USP13: variants seen among roughly 807,000 people sequenced by gnomAD.
USP13 encodes the protein ubiquitin carboxyl-terminal hydrolase 13.
USP13 carries 68 observed loss-of-function variants against 107.8 expected under a neutral mutation model. That is an observed-to-expected ratio of 0.63 (90% confidence interval 0.52 to 0.77). USP13 has a LOEUF of 0.77. Among genes scored for constraint, USP13 ranks in the 30% least tolerant of loss-of-function variants. USP13 has a pLI of 0.00. For missense variants in USP13, 945 were observed against 1,093.3 expected, an observed-to-expected ratio of 0.86 and a Z score of 1.91; for synonymous variants, 377 against 389.5, an observed-to-expected ratio of 0.97 and a Z score of 0.38.
chr3:179,726,145 T>C (rs755208910), intron 8 of USP13, among the ~76,000 whole-genome samples: 1 of 152,104 alleles, frequency 6.6e-6, no homozygotes, highest in Non-Finnish European at 1.5e-5. Flanking sequence ...TCTGAGGGTC[T>C]CGGGAGGCGA....
At chr3:179,758,588 T>C (rs1374457630) in intron 16 of USP13, among the ~76,000 whole-genome samples, 3 of 151,640 alleles carry the variant, frequency 2.0e-5, no homozygotes, top group Non-Finnish European at 4.4e-5. Flanking sequence ...AAGCTCCGCC[T>C]CCCGGGTTCA....
At chr3:179,700,274 C>T (rs1712469311) in intron 3 of USP13, among the ~76,000 whole-genome samples, 1 of 152,106 alleles carries the variant, frequency 6.6e-6, no homozygotes. Flanking sequence ...CATTATAGGG[C>T]TTCCACCTCG....
intron 7 of USP13, among the ~76,000 whole-genome samples, chr3:179,720,661 T>TTCTGC (rs1368405003): frequency 6.6e-6 from 1 of 152,218 alleles, no homozygotes; most frequent in Admixed American, 6.5e-5. Flanking sequence ...GTTTAGTTTT[T>TTCTGC]TCTGCTCTTC....
Position 179,686,058 on chromosome 3 carries a change from C to T in USP13, c.294+4055C>T, listed in dbSNP as rs142396153. Among the ~76,000 whole-genome samples, 520 of 152,246 alleles carry T rather than the reference C, an allele frequency of 3.4e-3. 2 individuals are homozygous for T. The highest frequency in any genetic ancestry group is 5.5e-3 in the Non-Finnish European group (374 of 68,020). ...AACCCCACACTATGATGGGTTTGAG[C>T]GTGTCACATTTTGGGCCTTTCCTCT... is the stretch of plus-strand genomic sequence containing the variant. On this transcript the variant is annotated intron_variant, in intron 2 of 20. Coordinates refer to ENST00000263966, the MANE Select transcript of USP13 (RefSeq NM_003940.3).
In USP13 at chr3:179,742,805, T is replaced by C. The variant is rs1026473591; in HGVS notation, c.1534+455T>C. Among the ~76,000 whole-genome samples, 5 of 152,264 alleles carry C rather than the reference T, an allele frequency of 3.3e-5. No individual in the cohort carries two copies. The highest frequency in any genetic ancestry group is 3.4e-3 in the Middle Eastern group (1 of 294). The stretch of plus-strand genomic sequence containing the variant: ...ACATGAGTATTTGAGCCACCTCTTC[T>C]GGGAGATAAATTGTGTCAGGGTTCT... On this transcript the variant is annotated intron_variant, in intron 12 of 20. Coordinates refer to ENST00000263966, the MANE Select transcript of USP13 (RefSeq NM_003940.3). The surrounding 1 kb of genome is among the most constrained non-coding windows in gnomAD (Gnocchi z 5.0).
Position 179,684,983 on chromosome 3 carries a change from G to T in USP13, c.294+2980G>T, listed in dbSNP as rs553594945. ...ACATCCTTGTGTAAGCTCTATGAGG[G>T]CAGGGACTTTCTTTGGTTTTGTCCA... On this transcript the variant is annotated intron_variant, in intron 2 of 20. Transcript: ENST00000263966. Among the ~76,000 whole-genome samples the T allele has an allele frequency of 1.0e-3, 153 of 152,192 alleles. 2 individuals carry two copies. In the South Asian group the frequency reaches 0.02, roughly 19 times the overall value.
Position 179,653,311 on chromosome 3 carries a change from T to C in USP13, c.86T>C (p.Val29Ala). The change falls in exon 1 of 21, where the codon GTG becomes GCG. Residue 29 changes from valine (V) to alanine (A), a missense_variant. Transcript: ENST00000263966. The surrounding 1 kb of genome is among the most constrained non-coding windows in gnomAD (Gnocchi z 4.0). The part of the protein sequence containing the change: ...MAAGDIGELL[V>A]PHMPTIRVPR... ...GCAGGAGACATCGGCGAGCTGCTAG[T>C]GCCCCACATGCCCACGATCCGCGTG... 1 of 1,577,430 alleles carries C rather than the reference T, an allele frequency of 6.3e-7. No individual in the cohort carries two copies. Among genetic ancestry groups the C allele is most frequent in the East Asian group, 2.3e-5 (1 of 42,972 alleles).
intron 6 of USP13, among the ~76,000 whole-genome samples, chr3:179,715,643 G>A (rs1016760184): frequency 1.3e-5 from 2 of 152,084 alleles, no homozygotes; most frequent in South Asian, 2.1e-4. Flanking sequence ...GATTACATGC[G>A]TGAGCCACTG....
Position 179,742,412 on chromosome 3 carries a change from A to T in USP13, c.1534+62A>T. On this transcript the variant is annotated intron_variant, in intron 12 of 20. Transcript: ENST00000263966. The surrounding 1 kb of genome is among the most constrained non-coding windows in gnomAD (Gnocchi z 5.0). ...CTTCATATGGGAAAACCCTCAAATC[A>T]GAGAGAATGGTTTAGTCACTGAAGT... is the stretch of plus-strand genomic sequence containing the variant. 6.3e-7 allele frequency: 1 copy of T among 1,599,378 alleles called. No individual in the cohort carries two copies. The highest frequency in any genetic ancestry group is 8.5e-7 in the Non-Finnish European group (1 of 1,170,498).
At chr3:179,763,005 A>G (rs1411106639) in intron 17 of USP13, among the ~76,000 whole-genome samples, 4 of 152,130 alleles carry the variant, frequency 2.6e-5, no homozygotes, top group African/African-American at 4.8e-5. Flanking sequence ...AACTTTTCGT[A>G]TGTTTATTGA....
At chr3:179,720,741 T>C (rs576416093) in intron 7 of USP13, among the ~76,000 whole-genome samples, 1 of 152,274 alleles carries the variant, frequency 6.6e-6, no homozygotes, top group African/African-American at 2.4e-5. Context: ...TCCTTGCTTC[T>C]TTTTTGATTC....
chr3:179,729,494 CAG>C (rs1356456734), intron 8 of USP13, among the ~76,000 whole-genome samples: 9 of 151,968 alleles, frequency 5.9e-5, no homozygotes, highest in African/African-American at 1.7e-4. Context: ...TTTTTTGAGA[CAG>C]AGTCTTGCTC....
chr3:179,730,358 C>A, intron 9 of USP13, 98 bp downstream of exon 9: 1 of 1,233,834 alleles, frequency 8.1e-7, no homozygotes, highest in Non-Finnish European at 1.1e-6. Context: ...GGCAATTCTT[C>A]ATGTATTTTT....
At chr3:179,697,063 C>A (rs1316259136) in intron 3 of USP13, among the ~76,000 whole-genome samples, 1 of 152,184 alleles carries the variant, frequency 6.6e-6, no homozygotes, top group African/African-American at 2.4e-5. Flanking sequence ...GAGTTCAGTT[C>A]TCTGTGTCTG....
chr3:179,730,529 G>A, intron 9 of USP13, 87 bp from the exon 10 acceptor site: 1 of 1,123,828 alleles, frequency 8.9e-7, no homozygotes, highest in Non-Finnish European at 1.3e-6. Context: ...AACAGCAGTT[G>A]TACTTATTGA....
Position 179,678,625 on chromosome 3 carries a change from G to T in USP13, c.169-3253G>T, listed in dbSNP as rs1711546068. 6.6e-6 allele frequency among the ~76,000 whole-genome samples: 1 copy of T among 151,884 alleles called. No individual in the cohort carries two copies. The highest frequency in any genetic ancestry group is 2.4e-5 in the African/African-American group (1 of 41,354). The stretch of plus-strand genomic sequence containing the variant: ...TGGGACAAAAGGCTGGCTAATTTTT[G>T]TATTATTATTTTTTTGTAGAGACAG... On this transcript the variant is annotated intron_variant, in intron 1 of 20. Transcript: ENST00000263966. This position sits in a 1 kb window ranked among gnomAD's most constrained non-coding sequence, Gnocchi z 4.2.
At position 179,681,846 on chromosome 3, in the gene USP13, G is replaced by A. The variant is rs1711667304; in HGVS notation, c.169-32G>A. ...ACATCTGACTACTGGGCTAGGTGTC[G>A]TCGGCTAATGTACTTTTTCTCTTTC... On this transcript the variant is annotated intron_variant, in intron 1 of 20. Transcript: ENST00000263966. The A allele has an allele frequency of 3.7e-6, 6 of 1,601,502 alleles. No homozygotes were observed. In the East Asian group the frequency reaches 1.1e-4, roughly 30 times the overall value.
chr3:179,713,392 A>G (rs1401129091), intron 6 of USP13, among the ~76,000 whole-genome samples: 1 of 152,224 alleles, frequency 6.6e-6, no homozygotes, highest in Non-Finnish European at 1.5e-5. Flanking sequence ...AATCTGTTTA[A>G]TAGATCGCAA....
chr3:179,689,672 A>G (rs1712038537), intron 2 of USP13, among the ~76,000 whole-genome samples: 1 of 151,726 alleles, frequency 6.6e-6, no homozygotes, highest in African/African-American at 2.4e-5. Flanking sequence ...AAAAAAGCCA[A>G]AAAAAAAGAA....
Sources: allele counts gnomAD v4.1 joint callset (sites outside exome capture counted in the v4.1 genomes callset), GRCh38; gene constraint gnomAD v4.1.1; non-coding constraint Gnocchi (gnomAD v3.1); transcripts MANE v1.5; gene names NCBI Gene and HGNC (gene_info 2026-07-23, HGNC 2026-07-21).